XIRP2: variants seen among roughly 807,000 people sequenced by gnomAD.
XIRP2 encodes xin actin binding repeat containing 2.
XIRP2 carries 236 observed loss-of-function variants against 277.0 expected under a neutral mutation model. The ratio of observed to expected loss-of-function variants is 0.85; its 90% CI spans 0.77 to 0.95. The LOEUF is 0.95. Among genes scored for constraint, XIRP2 ranks in the 40% least tolerant of loss-of-function variants. The pLI is 0.00. For synonymous variants in XIRP2, 1,490 were observed against 1,416.5 expected (o/e 1.05, Z -1.17); for missense variants, 4,640 against 4,157.5 (o/e 1.12, Z -3.19).
chr2:167,138,928 A>G (rs936220686), intron 3 of XIRP2, among the ~76,000 whole-genome samples: 3 of 151,932 alleles, frequency 2.0e-5, no homozygotes, highest in Admixed American at 6.6e-5. Flanking sequence ...TTAGCTGGGC[A>G]TGATAGTGGG....
chr2:167,148,735 T>A (rs116913119), intron 3 of XIRP2, among the ~76,000 whole-genome samples: 6,130 of 151,922 alleles, frequency 0.04, 130 homozygotes, highest in Non-Finnish European at 0.05. Context: ...CAAAAGAAAG[T>A]CAATATGGCT....
intron 3 of XIRP2, among the ~76,000 whole-genome samples, chr2:167,148,241 G>T (rs1691912947): frequency 6.6e-6 from 1 of 151,694 alleles, no homozygotes; most frequent in South Asian, 2.1e-4. Flanking sequence ...TATTTGCTGG[G>T]TGTGGTGGCA....
At chr2:166,909,496 T>A (rs1002667158) in intron 2 of XIRP2, among the ~76,000 whole-genome samples, 3 of 152,212 alleles carry the variant, frequency 2.0e-5, no homozygotes, top group Non-Finnish European at 2.9e-5. Context: ...AAGTTGCTTA[T>A]CAGCTTAAGG....
intron 2 of XIRP2, among the ~76,000 whole-genome samples, chr2:166,995,788 A>ATTCCTTGCC (rs1687206787): frequency 6.6e-6 from 1 of 152,168 alleles, no homozygotes; most frequent in Admixed American, 6.5e-5. Context: ...TTATAGGAAA[A>ATTCCTTGCC]TTCCTTGCCC....
intron 3 of XIRP2, among the ~76,000 whole-genome samples, chr2:167,143,098 A>C (rs144277133): frequency 6.0e-4 from 91 of 152,322 alleles, no homozygotes; most frequent in African/African-American, 2.2e-3. Flanking sequence ...ATCAGAGGCG[A>C]ACACAGAATG....
At chr2:167,024,192 G>A (rs1479592241) in intron 2 of XIRP2, among the ~76,000 whole-genome samples, 3 of 152,108 alleles carry the variant, frequency 2.0e-5, no homozygotes, top group East Asian at 1.9e-4. Flanking sequence ...TGGATTCCTA[G>A]GTATTTTATT....
chr2:167,008,076 T>G (rs1303473672), intron 2 of XIRP2, among the ~76,000 whole-genome samples: 1 of 151,572 alleles, frequency 6.6e-6, no homozygotes, highest in Non-Finnish European at 1.5e-5. Flanking sequence ...GCAGGCTCCA[T>G]GAAGCCAGGA....
intron 2 of XIRP2, among the ~76,000 whole-genome samples, chr2:167,100,848 T>A (rs1690468507): frequency 6.6e-6 from 1 of 152,218 alleles, no homozygotes; most frequent in Non-Finnish European, 1.5e-5. Context: ...TTTTAACAGA[T>A]CTCATTACTT....
chr2:166,975,744 T>A (rs1285036588), intron 2 of XIRP2, among the ~76,000 whole-genome samples: 3 of 151,536 alleles, frequency 2.0e-5, no homozygotes, highest in Non-Finnish European at 4.4e-5. Context: ...GCTAACACGG[T>A]GAAACCCCGT....
At chr2:167,227,935 C>T (rs1037208082) in intron 5 of XIRP2, among the ~76,000 whole-genome samples, 3 of 152,082 alleles carry the variant, frequency 2.0e-5, no homozygotes, top group Admixed American at 1.3e-4. Context: ...GCAACCTATA[C>T]ATCTAACGTG....
intron 2 of XIRP2, among the ~76,000 whole-genome samples, chr2:167,127,528 G>A (rs1301117577): frequency 6.6e-6 from 1 of 152,138 alleles, no homozygotes; most frequent in Admixed American, 6.6e-5. Context: ...TGCCTGAGAG[G>A]TTTGTTTCAC....
chr2:166,942,319 C>T (rs928749763), intron 2 of XIRP2, among the ~76,000 whole-genome samples: 7 of 152,182 alleles, frequency 4.6e-5, no homozygotes, highest in African/African-American at 1.7e-4. Context: ...CAAGCAAAGA[C>T]ATCGTAATAA....
chr2:166,901,617 A>G (rs910196769), intron 1 of XIRP2, among the ~76,000 whole-genome samples: 1 of 152,036 alleles, frequency 6.6e-6, no homozygotes, highest in Non-Finnish European at 1.5e-5. Flanking sequence ...CACTCCTACC[A>G]GCTGTGACAG....
rs572307561 is a variant in XIRP2, at chr2:167,058,412, C to T, written c.409-77497C>T. Reference sequence around the variant, plus strand: ...TGCATGTTTTAGTTATTTATTGTTGCATAACAAAACTCTCCAAAACTTAGC... The same window carrying T: ...TGCATGTTTTAGTTATTTATTGTTGTATAACAAAACTCTCCAAAACTTAGC... On this transcript the variant is annotated intron_variant, in intron 2 of 10. Coordinates refer to ENST00000409195, the MANE Select transcript of XIRP2 (RefSeq NM_152381.6). Among the ~76,000 whole-genome samples, 5 of 152,162 alleles carry T rather than the reference C, an allele frequency of 3.3e-5. No individual in the cohort carries two copies. The South Asian group carries it at 6.2e-4, about 19-fold the overall frequency.
At chr2:167,080,016 A>G (rs772936336) in intron 2 of XIRP2, among the ~76,000 whole-genome samples, 6 of 151,836 alleles carry the variant, frequency 4.0e-5, no homozygotes, top group Admixed American at 6.6e-5. Context: ...GTGGGCATTT[A>G]TCCAAACATA....
intron 2 of XIRP2, among the ~76,000 whole-genome samples, chr2:167,085,353 T>C (rs1002884786): frequency 2.0e-5 from 3 of 151,528 alleles, no homozygotes; most frequent in African/African-American, 7.3e-5. Context: ...GAGGAGAGCT[T>C]TACTTCCAAG....
At position 167,148,368 on chromosome 2, in the gene XIRP2, G is replaced by C. The variant is rs372048092; in HGVS notation, c.562+12306G>C. Reference sequence around the variant, plus strand: ...TTGCACTCCAGTGTGGGTGACAAAAGTGGAAAAGGAAAGAAAGAAGAAAAG... The same window carrying C: ...TTGCACTCCAGTGTGGGTGACAAAACTGGAAAAGGAAAGAAAGAAGAAAAG... On this transcript the variant is annotated intron_variant, in intron 3 of 10. Coordinates refer to ENST00000409195, the MANE Select transcript of XIRP2 (RefSeq NM_152381.6). Among the ~76,000 whole-genome samples, 67 of 132,320 alleles carry C rather than the reference G, an allele frequency of 5.1e-4. 1 individual carries two copies. The South Asian group carries it at 0.017, about 34-fold the overall frequency. 86.8% of individuals were successfully genotyped at this position (132,320 alleles called of 152,430 possible).
At chr2:167,068,776 G>A (rs1363396996) in intron 2 of XIRP2, among the ~76,000 whole-genome samples, 1 of 152,138 alleles carries the variant, frequency 6.6e-6, no homozygotes, top group African/African-American at 2.4e-5. Flanking sequence ...TGCAGCCCAG[G>A]ACAGCTTTGA....
intron 2 of XIRP2, among the ~76,000 whole-genome samples, chr2:166,971,803 G>C (rs757594042): frequency 5.9e-5 from 9 of 152,170 alleles, no homozygotes; most frequent in South Asian, 2.1e-4. Flanking sequence ...GGGGATATTT[G>C]AACAACATGA....
Sources: allele counts gnomAD v4.1 joint callset (sites outside exome capture counted in the v4.1 genomes callset), GRCh38; gene constraint gnomAD v4.1.1; transcripts MANE v1.5; gene names NCBI Gene and HGNC (gene_info 2026-07-23, HGNC 2026-07-21).